The following ROBO1 variants were observed in gnomAD, a reference collection of about 807,000 sequenced individuals.
ROBO1 encodes the protein roundabout guidance receptor 1.
ROBO1 carries 149 observed loss-of-function variants against 195.9 expected under a neutral mutation model. That is an observed-to-expected ratio of 0.76 (90% confidence interval 0.67 to 0.87). ROBO1 has a LOEUF of 0.87. Ranked by LOEUF, ROBO1 falls within the 40% of genes least tolerant of loss-of-function variation. The pLI is 0.00. For missense variants in ROBO1, 1,933 were observed against 2,068.3 expected (o/e 0.93, Z 1.27); for synonymous variants, 816 against 733.2 (o/e 1.11, Z -1.82).
chr3:79,391,677 T>C (rs574740375), intron 2 of ROBO1, among the ~76,000 whole-genome samples: 5 of 152,160 alleles, frequency 3.3e-5, no homozygotes, highest in South Asian at 2.1e-4. Flanking sequence ...AGTTATGCAT[T>C]TTTATAGTAT....
At chr3:79,569,514 A>G (rs1239112348) in intron 2 of ROBO1, among the ~76,000 whole-genome samples, 1 of 152,118 alleles carries the variant, frequency 6.6e-6, no homozygotes, top group African/African-American at 2.4e-5. Context: ...GTTTTCATGT[A>G]TATTATTTTG....
intron 4 of ROBO1, among the ~76,000 whole-genome samples, chr3:78,884,627 AAGAAAG>A (rs1304292970): frequency 9.0e-6 from 1 of 110,794 alleles, no homozygotes; most frequent in African/African-American, 3.3e-5. Context: ...GAAAGAGAGA[AAGAAAG>A]AGAAAGAAAG....
At chr3:78,832,535 C>G (rs1049199793) in intron 4 of ROBO1, among the ~76,000 whole-genome samples, 11 of 152,068 alleles carry the variant, frequency 7.2e-5, no homozygotes, top group African/African-American at 2.7e-4. Flanking sequence ...TGTCACTCAC[C>G]TATTCAACTA....
chr3:79,047,896 C>T (rs1424869964), intron 3 of ROBO1, among the ~76,000 whole-genome samples: 1 of 151,984 alleles, frequency 6.6e-6, no homozygotes, highest in Non-Finnish European at 1.5e-5. Flanking sequence ...GTCCCATGAG[C>T]AGAACTAAGA....
rs3057946 is a variant in ROBO1 at position 79,378,154 on chromosome 3, ACT to A, written c.88+211668_88+211669del. Among the ~76,000 whole-genome samples, 149 of 146,450 alleles carry A rather than the reference ACT, an allele frequency of 1.0e-3. 1 individual carries two copies. The highest frequency in any genetic ancestry group is 1.3e-3 in the African/African-American group (54 of 40,210). On this transcript the variant is annotated intron_variant, in intron 2 of 30. Transcript: ENST00000464233. ...AACATACTAAATCTCTCTTATGGTC[ACT>A]CTCTCTCTCTCTCTCTCTCTCACTA...
intron 1 of ROBO1, among the ~76,000 whole-genome samples, chr3:79,761,648 C>T (rs13071055): frequency 0.32 from 49,232 of 152,134 alleles, 9,245 homozygotes; most frequent in Middle Eastern, 0.53. Flanking sequence ...TGAAATTCTG[C>T]TCTTGGCAAA....
At chr3:78,915,964 A>T (rs142693185) in intron 4 of ROBO1, among the ~76,000 whole-genome samples, 5,280 of 152,228 alleles carry the variant, frequency 0.035, 139 homozygotes, top group African/African-American at 0.084. Context: ...AAAATTCTTT[A>T]TTCTGGGCCA....
At chr3:79,391,670 T>C (rs905793535) in intron 2 of ROBO1, among the ~76,000 whole-genome samples, 3 of 152,156 alleles carry the variant, frequency 2.0e-5, no homozygotes, top group South Asian at 2.1e-4. Flanking sequence ...TAATTCAAGT[T>C]ATGCATTTTT....
intron 2 of ROBO1, among the ~76,000 whole-genome samples, chr3:79,528,312 A>G (rs1941518206): frequency 6.6e-6 from 1 of 152,124 alleles, no homozygotes; most frequent in Non-Finnish European, 1.5e-5. Context: ...TTTACTTTGC[A>G]AAAAATGCTT....
intron 3 of ROBO1, among the ~76,000 whole-genome samples, chr3:79,093,702 C>T (rs1166812720): frequency 2.6e-5 from 4 of 151,902 alleles, no homozygotes; most frequent in African/African-American, 7.3e-5. Context: ...ATATAGAATA[C>T]AGAATATTTC....
At chr3:79,508,471 T>C (rs1020483751) in intron 2 of ROBO1, among the ~76,000 whole-genome samples, 9 of 152,176 alleles carry the variant, frequency 5.9e-5, no homozygotes, top group African/African-American at 2.2e-4. Context: ...TGCTTTGTTA[T>C]GGCAGACCTA....
At chr3:78,737,057 C>T (rs2082409244) in intron 5 of ROBO1, among the ~76,000 whole-genome samples, 1 of 152,120 alleles carries the variant, frequency 6.6e-6, no homozygotes, top group South Asian at 2.1e-4. Flanking sequence ...CAGAATTCTC[C>T]TGTGGAATAA....
chr3:78,886,743 C>T (rs1388616960), intron 4 of ROBO1, among the ~76,000 whole-genome samples: 1 of 151,920 alleles, frequency 6.6e-6, no homozygotes, highest in African/African-American at 2.4e-5. Flanking sequence ...ATATATGAAG[C>T]CCCATTGAAA....
At chr3:79,270,773 G>A (rs774478386) in intron 2 of ROBO1, among the ~76,000 whole-genome samples, 2 of 151,818 alleles carry the variant, frequency 1.3e-5, no homozygotes, top group Non-Finnish European at 2.9e-5. Context: ...TTGGTTAATT[G>A]CATCTCTCTC....
At position 79,612,424 on chromosome 3, in the gene ROBO1, T is replaced by G. The variant is rs1166292491; in HGVS notation, c.-50-22463A>C. 2.6e-5 allele frequency among the ~76,000 whole-genome samples: 4 copies of G among 151,392 alleles called. No individual in the cohort carries two copies. The East Asian group carries it at 7.8e-4, about 30-fold the overall frequency. On this transcript the variant is annotated intron_variant, in intron 1 of 30. Coordinates refer to ENST00000464233, the MANE Select transcript of ROBO1 (RefSeq NM_002941.4). ...TGTGCCACATTTTCTTAATCCAGTC[T>G]ATCATTGTTGGACATTTGGGTTGGT...
At chr3:78,603,011 C>T (rs1320129549) in intron 29 of ROBO1, among the ~76,000 whole-genome samples, 1 of 152,126 alleles carries the variant, frequency 6.6e-6, no homozygotes, top group Non-Finnish European at 1.5e-5. Flanking sequence ...GATTTTGACT[C>T]TAAAAAGTTT....
chr3:79,491,143 T>C (rs1164075719), intron 2 of ROBO1, among the ~76,000 whole-genome samples: 1 of 151,974 alleles, frequency 6.6e-6, no homozygotes, highest in African/African-American at 2.4e-5. Flanking sequence ...AAGTCTGGGC[T>C]AATCTACCTG....
At chr3:79,308,483 A>G (rs895612045) in intron 2 of ROBO1, among the ~76,000 whole-genome samples, 1 of 152,166 alleles carries the variant, frequency 6.6e-6, no homozygotes, top group African/African-American at 2.4e-5. Flanking sequence ...TTCATTCAAC[A>G]AATTCTCCTG....
intron 4 of ROBO1, among the ~76,000 whole-genome samples, chr3:78,890,868 C>T (rs958524004): frequency 4.6e-5 from 7 of 152,050 alleles, no homozygotes; most frequent in Non-Finnish European, 1.0e-4. Flanking sequence ...CTCAAGTGAT[C>T]CCCGTGCCTC....
Sources: allele counts gnomAD v4.1 joint callset (sites outside exome capture counted in the v4.1 genomes callset), GRCh38; gene constraint gnomAD v4.1.1; transcripts MANE v1.5; gene names NCBI Gene and HGNC (gene_info 2026-07-23, HGNC 2026-07-21).